The following UBE2E2 variants were observed in gnomAD, a reference collection of about 807,000 sequenced individuals.
The protein encoded by UBE2E2 is ubiquitin-conjugating enzyme E2 E2.
A neutral mutation model predicts 24.7 loss-of-function variants in UBE2E2; 6 were observed. The observed-to-expected ratio is 0.24, with a 90% confidence interval of 0.13 to 0.48. UBE2E2 has a LOEUF of 0.48. Ranked by LOEUF, UBE2E2 falls within the 20% of genes least tolerant of loss-of-function variation. The pLI is 0.99. For missense variants in UBE2E2, 169 were observed against 245.0 expected, an observed-to-expected ratio of 0.69 and a Z score of 2.07; for synonymous variants, 104 against 83.6, an observed-to-expected ratio of 1.24 and a Z score of -1.33.
chr3:23,393,380 T>G (rs141417484), intron 3 of UBE2E2, among the ~76,000 whole-genome samples: 1 of 152,160 alleles, frequency 6.6e-6, no homozygotes. Context: ...GAGAGTTTGC[T>G]GATAAGAAGT....
intron 5 of UBE2E2, among the ~76,000 whole-genome samples, chr3:23,566,626 A>G (rs529397140): frequency 7.2e-5 from 11 of 152,290 alleles, no homozygotes; most frequent in East Asian, 5.8e-4. Context: ...GGCAAGTCAC[A>G]TGGTGAGAGA....
At chr3:23,307,094 AG>A (rs1272811403) in intron 3 of UBE2E2, among the ~76,000 whole-genome samples, 2 of 152,330 alleles carry the variant, frequency 1.3e-5, no homozygotes, top group Non-Finnish European at 2.9e-5. Context: ...AGAAATGTAA[AG>A]AGTATGCTAA....
At position 23,389,545 on chromosome 3, in the gene UBE2E2, A is replaced by G. The variant is rs1370977561; in HGVS notation, c.228-110063A>G. 2.5e-5 allele frequency: 5 copies of G among 198,338 alleles called. No homozygotes were observed. The South Asian group carries it at 6.8e-4, about 27-fold the overall frequency. The allele number at this position is 198,338 out of a possible 1,614,324, so 12.3% of individuals were successfully genotyped here. A position where few individuals can be genotyped will look rare whatever the true frequency, so the allele number is the denominator to read the frequency against. The stretch of plus-strand genomic sequence containing the variant: ...CCAAAGTTCTCCGAAGCAACCACTG[A>G]GTCTTTGAAAATCTTCTGATGGAAG... On this transcript the variant is annotated intron_variant, in intron 3 of 5. Transcript: ENST00000396703.
intron 5 of UBE2E2, among the ~76,000 whole-genome samples, chr3:23,565,157 G>A (rs1696038293): frequency 6.6e-6 from 1 of 152,020 alleles, no homozygotes; most frequent in Non-Finnish European, 1.5e-5. Context: ...TCTCTTTATG[G>A]TTCTCTTTGA....
chr3:23,552,255 A>G (rs1003887893), intron 5 of UBE2E2, among the ~76,000 whole-genome samples: 2 of 152,188 alleles, frequency 1.3e-5, no homozygotes, highest in Non-Finnish European at 1.5e-5. Context: ...TCGGAGGCCA[A>G]GGTAGAAAGA....
At chr3:23,470,726 C>T (rs774239255) in intron 3 of UBE2E2, among the ~76,000 whole-genome samples, 12 of 152,102 alleles carry the variant, frequency 7.9e-5, no homozygotes, top group Non-Finnish European at 1.5e-4. Context: ...CCAGTAAAAA[C>T]GGTTCTTAAT....
At chr3:23,263,428 T>C (rs185370629) in intron 3 of UBE2E2, among the ~76,000 whole-genome samples, 6 of 152,340 alleles carry the variant, frequency 3.9e-5, no homozygotes, top group Admixed American at 2.6e-4. Context: ...GCCTATAATA[T>C]TGATTTTGGC....
At chr3:23,368,085 C>T (rs185975425) in intron 3 of UBE2E2, among the ~76,000 whole-genome samples, 1 of 152,166 alleles carries the variant, frequency 6.6e-6, no homozygotes, top group East Asian at 1.9e-4. Flanking sequence ...TTTGTGATGG[C>T]ATTTGATTTC....
intron 4 of UBE2E2, among the ~76,000 whole-genome samples, chr3:23,525,647 G>T (rs1289146429): frequency 6.6e-6 from 1 of 152,202 alleles, no homozygotes; most frequent in Non-Finnish European, 1.5e-5. Context: ...GCCAATGTAG[G>T]CGTAACTAGT....
intron 3 of UBE2E2, among the ~76,000 whole-genome samples, chr3:23,235,901 G>A (rs1011848445): frequency 6.6e-6 from 1 of 152,162 alleles, no homozygotes; most frequent in Non-Finnish European, 1.5e-5. Context: ...GAGATGTCAA[G>A]TAGGCAGTTG....
intron 3 of UBE2E2, among the ~76,000 whole-genome samples, chr3:23,362,628 C>G (rs1004380349): frequency 6.6e-6 from 1 of 152,070 alleles, no homozygotes; most frequent in Non-Finnish European, 1.5e-5. Context: ...GCCACCCTAC[C>G]CACCCCTGCC....
chr3:23,543,493 T>C (rs1186828842), intron 5 of UBE2E2, among the ~76,000 whole-genome samples: 3 of 150,712 alleles, frequency 2.0e-5, no homozygotes, highest in Non-Finnish European at 4.4e-5. Context: ...TGCCTGGGAA[T>C]ATAGTTAACC....
intron 3 of UBE2E2, among the ~76,000 whole-genome samples, chr3:23,300,349 T>G (rs1699037554): frequency 6.6e-6 from 1 of 152,216 alleles, no homozygotes; most frequent in Non-Finnish European, 1.5e-5. Flanking sequence ...GTTATTTTGC[T>G]CGATAGTTGA....
intron 3 of UBE2E2, among the ~76,000 whole-genome samples, chr3:23,423,312 GAAGTA>G (rs1357493087): frequency 2.0e-5 from 3 of 152,130 alleles, no homozygotes; most frequent in African/African-American, 4.8e-5. Context: ...AAAGTGAAGT[GAAGTA>G]AAGATATATT....
intron 3 of UBE2E2, among the ~76,000 whole-genome samples, chr3:23,269,300 T>C (rs1303863938): frequency 1.3e-5 from 2 of 152,116 alleles, no homozygotes; most frequent in Non-Finnish European, 1.5e-5. Context: ...CACAACCTAC[T>C]CATCTGACAA....
chr3:23,579,739 A>G lies in UBE2E2; in HGVS notation c.509-9995A>G, dbSNP rs77354406. On this transcript the variant is annotated intron_variant, in intron 5 of 5. Transcript: ENST00000396703. ...AAAAAGAATACTATTTCCTAAGGCT[A>G]TAGTTTCCATAGATGGCGATTCTCT... 6.6e-3 allele frequency among the ~76,000 whole-genome samples: 1,009 copies of G among 152,294 alleles called. 12 individuals carry two copies. The highest frequency in any genetic ancestry group is 0.023 in the African/African-American group (968 of 41,564).
At chr3:23,458,135 C>T (rs1698721602) in intron 3 of UBE2E2, among the ~76,000 whole-genome samples, 1 of 152,022 alleles carries the variant, frequency 6.6e-6, no homozygotes, top group South Asian at 2.1e-4. Context: ...TCATTGCTAG[C>T]TTTTGATTTA....
chr3:23,419,021 A>G (rs1391056381), intron 3 of UBE2E2, among the ~76,000 whole-genome samples: 1 of 150,026 alleles, frequency 6.7e-6, no homozygotes, highest in Non-Finnish European at 1.5e-5. Flanking sequence ...TGGCATGATC[A>G]TGACTCCCTG....
chr3:23,350,349 G>C (rs927067110), intron 3 of UBE2E2, among the ~76,000 whole-genome samples: 1 of 152,190 alleles, frequency 6.6e-6, no homozygotes. Context: ...CCAAAGGAAC[G>C]CAGTTCCTCA....
Sources: gnomAD v4.1 joint callset for allele counts (sites outside exome capture counted in the v4.1 genomes callset) on GRCh38, gnomAD v4.1.1 for gene constraint, MANE v1.5 for transcripts, NCBI Gene and HGNC (gene_info 2026-07-23, HGNC 2026-07-21) for gene names.